CNTN4: variants seen among roughly 807,000 people sequenced by gnomAD.
CNTN4 encodes contactin-4.
A neutral mutation model predicts 122.5 loss-of-function variants in CNTN4; 77 were observed. The ratio of observed to expected loss-of-function variants is 0.63; its 90% CI spans 0.52 to 0.76. The LOEUF is 0.76. Ranked by LOEUF, CNTN4 falls within the 30% of genes least tolerant of loss-of-function variation. The pLI is 0.00. For missense variants in CNTN4, 1,256 were observed against 1,259.1 expected, an observed-to-expected ratio of 1.00 and a Z score of 0.04; for synonymous variants, 512 against 447.0, an observed-to-expected ratio of 1.15 and a Z score of -1.83.
intron 23 of CNTN4, among the ~76,000 whole-genome samples, chr3:3,047,757 A>C (rs1156236375): frequency 6.6e-6 from 1 of 151,220 alleles, no homozygotes; most frequent in African/African-American, 2.4e-5. Context: ...AGCTAGCAGA[A>C]GGCAAGAAAT....
In CNTN4 at chr3:2,394,543, A is replaced by G. The variant is rs1476160674; in HGVS notation, c.-89+55310A>G. On this transcript the variant is annotated intron_variant, in intron 3 of 24. Coordinates refer to ENST00000418658, the MANE Select transcript of CNTN4 (RefSeq NM_175607.3). ...GGAATGCCAATATATATCCACTGAAATGGCTGATATGAAAGAGGCTGACAG... is the reference window on the plus strand; with the variant it reads ...GGAATGCCAATATATATCCACTGAAGTGGCTGATATGAAAGAGGCTGACAG... 3.3e-5 allele frequency among the ~76,000 whole-genome samples: 5 copies of G among 152,176 alleles called. No homozygotes were observed. In the South Asian group the frequency reaches 8.3e-4, roughly 25 times the overall value.
intron 18 of CNTN4, 50 bp from the exon 19 acceptor site, chr3:3,038,883 T>C: frequency 6.5e-7 from 1 of 1,527,910 alleles, no homozygotes; most frequent in Non-Finnish European, 9.1e-7. Flanking sequence ...TTCCTGGCCC[T>C]CATTCGCCTT....
intron 4 of CNTN4, among the ~76,000 whole-genome samples, chr3:2,653,013 G>T (rs563995262): frequency 4.6e-5 from 7 of 152,036 alleles, no homozygotes; most frequent in Non-Finnish European, 8.8e-5. Context: ...GTAAATGTTG[G>T]TGTTCATGCT....
At chr3:2,236,358 G>T (rs2039680429) in intron 2 of CNTN4, among the ~76,000 whole-genome samples, 1 of 152,128 alleles carries the variant, frequency 6.6e-6, no homozygotes, top group Non-Finnish European at 1.5e-5. Context: ...ACCATTAGGT[G>T]CTCATTTAAT....
intron 2 of CNTN4, among the ~76,000 whole-genome samples, chr3:2,257,444 C>A (rs765039986): frequency 6.6e-6 from 1 of 152,166 alleles, no homozygotes; most frequent in Non-Finnish European, 1.5e-5. Flanking sequence ...CAAATGGGAT[C>A]TAATTAACCT....
intron 3 of CNTN4, among the ~76,000 whole-genome samples, chr3:2,437,075 A>G (rs1322418852): frequency 1.3e-5 from 2 of 151,908 alleles, no homozygotes; most frequent in East Asian, 3.9e-4. Flanking sequence ...CTTGAGACAG[A>G]TTGTGTTAAG....
At chr3:2,721,716 T>C (rs918274328) in intron 4 of CNTN4, among the ~76,000 whole-genome samples, 1 of 151,962 alleles carries the variant, frequency 6.6e-6, no homozygotes, top group African/African-American at 2.4e-5. Context: ...AGCCTCAGGG[T>C]TTGCCTGCTC....
chr3:2,809,943 A>G (rs373749450), intron 6 of CNTN4, among the ~76,000 whole-genome samples: 1 of 152,252 alleles, frequency 6.6e-6, no homozygotes, highest in African/African-American at 2.4e-5. Flanking sequence ...AAAAATAGCC[A>G]TCAGGAACGC....
chr3:2,509,859 C>T (rs2076834264), intron 3 of CNTN4, among the ~76,000 whole-genome samples: 2 of 152,082 alleles, frequency 1.3e-5, no homozygotes, highest in African/African-American at 4.8e-5. Flanking sequence ...GAGAAATCCA[C>T]ATTAAATATA....
chr3:2,863,213 G>A (rs374514284), intron 7 of CNTN4, among the ~76,000 whole-genome samples: 3 of 152,086 alleles, frequency 2.0e-5, no homozygotes, highest in African/African-American at 4.8e-5. Flanking sequence ...TCCAGGTGGT[G>A]ATATTTGATC....
chr3:2,129,264 C>CA (rs11390812), intron 2 of CNTN4, among the ~76,000 whole-genome samples: 20,909 of 63,556 alleles, frequency 0.33, 2,779 homozygotes, highest in South Asian at 0.52. Context: ...TCCAAACCTG[C>CA]AAAAAAAAAA....
intron 13 of CNTN4, among the ~76,000 whole-genome samples, chr3:2,934,431 G>C (rs10460992): frequency 0.68 from 103,494 of 151,938 alleles, 35,470 homozygotes; most frequent in Middle Eastern, 0.78. Flanking sequence ...ATTCATGTAA[G>C]ACATGGAAGG....
At chr3:2,946,504 A>G (rs915802892) in intron 13 of CNTN4, among the ~76,000 whole-genome samples, 2 of 152,186 alleles carry the variant, frequency 1.3e-5, no homozygotes, top group Non-Finnish European at 2.9e-5. Context: ...GAATCCCACC[A>G]GAAGGTTCCA....
At chr3:2,342,542 C>T (rs374816846) in intron 3 of CNTN4, among the ~76,000 whole-genome samples, 34 of 152,238 alleles carry the variant, frequency 2.2e-4, no homozygotes, top group African/African-American at 7.7e-4. Flanking sequence ...CCCCACCTGT[C>T]GTGGGAGGGA....
chr3:2,583,575 G>A (rs2149586047), intron 4 of CNTN4, among the ~76,000 whole-genome samples: 1 of 152,184 alleles, frequency 6.6e-6, no homozygotes, highest in East Asian at 1.9e-4. Flanking sequence ...TCAGATAGTG[G>A]TTTTGGGGAA....
chr3:2,959,542 T>A (rs980434449), intron 13 of CNTN4, among the ~76,000 whole-genome samples: 1 of 152,158 alleles, frequency 6.6e-6, no homozygotes, highest in Non-Finnish European at 1.5e-5. Context: ...TTAGAAATAG[T>A]ATATACCATC....
chr3:2,417,676 C>T (rs2047465935), intron 3 of CNTN4, among the ~76,000 whole-genome samples: 1 of 152,190 alleles, frequency 6.6e-6, no homozygotes, highest in South Asian at 2.1e-4. Context: ...TAAAGACCTG[C>T]ACACTGATGT....
At chr3:2,708,727 T>TCACACACA (rs10530575) in intron 4 of CNTN4, among the ~76,000 whole-genome samples, 114 of 151,006 alleles carry the variant, frequency 7.5e-4, no homozygotes, top group Middle Eastern at 6.8e-3. Flanking sequence ...CACGCGCGCA[T>TCACACACA]CACACACACA....
intron 3 of CNTN4, among the ~76,000 whole-genome samples, chr3:2,482,557 A>G (rs549951919): frequency 3.1e-4 from 47 of 152,300 alleles, no homozygotes; most frequent in African/African-American, 9.1e-4. Context: ...ACAGACCTTC[A>G]GGACAGGCCC....
Sources: allele counts gnomAD v4.1 joint callset (sites outside exome capture counted in the v4.1 genomes callset), GRCh38; gene constraint gnomAD v4.1.1; transcripts MANE v1.5; gene names NCBI Gene and HGNC (gene_info 2026-07-23, HGNC 2026-07-21).